The following AFF4 variants were observed in gnomAD, a reference collection of about 807,000 sequenced individuals.
The protein encoded by AFF4 is ALF transcription elongation factor 4, also known as AF4/FMR2 family member 4.
A neutral mutation model predicts 124.8 loss-of-function variants in AFF4; 13 were observed. That is an observed-to-expected ratio of 0.10 (90% CI 0.07 to 0.17). AFF4 has a LOEUF of 0.17. AFF4 is among the 10% of genes least tolerant of loss of function. The probability of loss-of-function intolerance (pLI) is 1.00; values close to 1 mark genes in which losing one functional copy is unlikely to be tolerated. For synonymous variants in AFF4, 477 were observed against 496.1 expected (o/e 0.96, Z 0.51); for missense variants, 1,092 against 1,403.8 (o/e 0.78, Z 3.55).
At chr5:132,920,673 C>T (rs1405716294) in intron 5 of AFF4, among the ~76,000 whole-genome samples, 1 of 151,794 alleles carries the variant, frequency 6.6e-6, no homozygotes, top group Non-Finnish European at 1.5e-5. Context: ...ATTTCATAGA[C>T]ACCAAAATCA....
Position 132,898,356 on chromosome 5 carries a change from T to G in AFF4, c.1263A>C (p.Ala421=), listed in dbSNP as rs1444470005. 10 of 1,614,142 alleles carry G rather than the reference T, an allele frequency of 6.2e-6. No individual in the cohort carries two copies. Among genetic ancestry groups the G allele is most frequent in the Non-Finnish European group, 8.5e-6 (10 of 1,180,046 alleles). The change falls in exon 10 of 21, where the codon GCA becomes GCC. Residue 421 remains alanine (A), a synonymous_variant. Coordinates refer to ENST00000265343, the MANE Select transcript of AFF4 (RefSeq NM_014423.4). Reference sequence around the variant, plus strand: ...TACTAGAATCATCCCTGGAGTTATCTGCTCCTTCACTATTATGGTGTGAAG... The same window carrying G: ...TACTAGAATCATCCCTGGAGTTATCGGCTCCTTCACTATTATGGTGTGAAG... ...SEPSHHNSEG[A]DNSRDDSSSH...
chr5:132,901,406 T>C (rs2150076296), intron 7 of AFF4, among the ~76,000 whole-genome samples: 1 of 152,358 alleles, frequency 6.6e-6, no homozygotes, highest in African/African-American at 2.4e-5. Flanking sequence ...TTTTCATTCT[T>C]AGTTCTTATA....
chr5:132,930,202 G>A (rs569220467), intron 4 of AFF4, among the ~76,000 whole-genome samples: 101 of 152,228 alleles, frequency 6.6e-4, no homozygotes, highest in Middle Eastern at 3.4e-3. Context: ...GCCAGTGTAG[G>A]ACAGAAAGAC....
rs1759901957 is a variant in AFF4, at chr5:132,878,853, T to G, written c.*2206A>C. ...ACTAGAACACAAGAACTCAGAGGTA[T>G]CCCACTGGCTGTTGTTGCTGAAAGT... is the stretch of plus-strand genomic sequence containing the variant. On this transcript the variant is annotated 3_prime_UTR_variant, in exon 21 of 21. Coordinates refer to ENST00000265343, the MANE Select transcript of AFF4 (RefSeq NM_014423.4). 1 of 223,898 alleles carries G rather than the reference T, an allele frequency of 4.5e-6. No individual in the cohort carries two copies. Among genetic ancestry groups the G allele is most frequent in the Non-Finnish European group, 8.9e-6 (1 of 112,220 alleles). The allele number at this position is 223,898 out of a possible 1,614,324, so 13.9% of individuals were successfully genotyped here.
rs1300842460 is a variant in AFF4, at chr5:132,905,708, A to C, written c.1051-1304T>G. The stretch of plus-strand genomic sequence containing the variant: ...AGGATCAAAGACCTATAAATGTAAA[A>C]GCTAGAGCTATAAAATCTTTAGAAA... On this transcript the variant is annotated intron_variant, in intron 5 of 20. Transcript: ENST00000265343. 2.0e-5 allele frequency among the ~76,000 whole-genome samples: 3 copies of C among 152,356 alleles called. No individual in the cohort carries two copies. In the East Asian group the frequency reaches 5.8e-4, roughly 29 times the overall value.
chr5:132,894,919 TC>T (rs1038570130), intron 11 of AFF4, among the ~76,000 whole-genome samples: 7 of 151,984 alleles, frequency 4.6e-5, no homozygotes, highest in African/African-American at 1.7e-4. Context: ...GCCATGGCAC[TC>T]CAGCCTAGGT....
At chr5:132,960,326 A>C (rs1340061886) in intron 1 of AFF4, among the ~76,000 whole-genome samples, 1 of 152,174 alleles carries the variant, frequency 6.6e-6, no homozygotes, top group African/African-American at 2.4e-5. Context: ...TAAAGTAAAA[A>C]AAAATCTAAG....
At chr5:132,955,762 A>G in intron 1 of AFF4, among the ~76,000 whole-genome samples, 1 of 133,418 alleles carries the variant, frequency 7.5e-6, no homozygotes. Context: ...TGGGTGATAG[A>G]GTGAGATTCC....
intron 5 of AFF4, among the ~76,000 whole-genome samples, chr5:132,914,667 C>A (rs145663777): frequency 2.5e-4 from 38 of 149,786 alleles, no homozygotes; most frequent in Non-Finnish European, 4.9e-4. Flanking sequence ...GGGTGGAAAT[C>A]AGTGCAATAA....
Position 132,875,428 on chromosome 5 carries a change from A to C in AFF4, c.*5631T>G, listed in dbSNP as rs1363083253. ...AGAAAATCTATTTGATATTTATTAA[A>C]CTTAGTTTCTCCAACTATGGTTTGG... On this transcript the variant is annotated 3_prime_UTR_variant, in exon 21 of 21. Transcript: ENST00000265343. 5.5e-6 allele frequency: 1 copy of C among 180,334 alleles called. No homozygotes were observed. Among genetic ancestry groups the C allele is most frequent in the Non-Finnish European group, 1.2e-5 (1 of 83,994 alleles). 11.2% of individuals were successfully genotyped at this position (180,334 alleles called of 1,614,324 possible).
chr5:132,923,605 G>A (rs1761104429), intron 5 of AFF4, among the ~76,000 whole-genome samples: 1 of 152,062 alleles, frequency 6.6e-6, no homozygotes, highest in Non-Finnish European at 1.5e-5. Context: ...CACCTGTAGT[G>A]CGTGGTAGTC....
rs370320481 is a variant in AFF4 at position 132,910,385 on chromosome 5, AAC to A, written c.1051-5983_1051-5982del. Among the ~76,000 whole-genome samples, 152 of 152,270 alleles carry A rather than the reference AAC, an allele frequency of 1.0e-3. 1 individual carries two copies. The East Asian group carries it at 0.02, about 20-fold the overall frequency. On this transcript the variant is annotated intron_variant, in intron 5 of 20. Coordinates refer to ENST00000265343, the MANE Select transcript of AFF4 (RefSeq NM_014423.4). ...AGTGCTTTCTGATGTGTTCCTTATC[AAC>A]CCACATCTTGCTAGCACTCCTATAC... is the stretch of plus-strand genomic sequence containing the variant.
At chr5:132,904,165 G>A (rs577766768) in intron 6 of AFF4, 7 of 546,670 alleles carry the variant, frequency 1.3e-5, no homozygotes, top group East Asian at 6.7e-5. Flanking sequence ...GCTGAGGCAG[G>A]AGGATCACTT....
intron 5 of AFF4, among the ~76,000 whole-genome samples, chr5:132,916,759 G>C (rs902678650): frequency 6.6e-6 from 1 of 151,896 alleles, no homozygotes; most frequent in African/African-American, 2.4e-5. Context: ...ATTTAAGAAG[G>C]GAACAATACA....
At chr5:132,897,317 G>GTT (rs1760433294) in intron 10 of AFF4, 77 bp from the exon 11 acceptor site, 1 of 1,490,020 alleles carries the variant, frequency 6.7e-7, no homozygotes, top group African/African-American at 1.4e-5. Flanking sequence ...CAACCTCAAA[G>GTT]AAGAGGAAAA....
Position 132,902,445 on chromosome 5 carries a change from T to G in AFF4, c.1130A>C (p.Lys377Thr). The G allele has an allele frequency of 1.2e-6, 2 of 1,606,302 alleles. No individual in the cohort carries two copies. The highest frequency in any genetic ancestry group is 8.5e-7 in the Non-Finnish European group (1 of 1,173,088). The stretch of plus-strand genomic sequence containing the variant: ...ACTCATTAAGCAATAAACTTACGAT[T>G]TAGACTGGTGCCCATTTGAAGTTTT... ...PSKTSNGHQS[K>T]SMLKDDLKLS... The change falls in exon 7 of 21, where the codon AAA (lysine) becomes ACA (threonine). Residue 377 changes from lysine to threonine, a missense_variant. Transcript: ENST00000265343.
chr5:132,896,897 G>A lies in AFF4; in HGVS notation c.1733C>T (p.Pro578Leu), dbSNP rs1370535263. 1 of 1,614,012 alleles carries A rather than the reference G, an allele frequency of 6.2e-7. No individual in the cohort carries two copies. The highest frequency in any genetic ancestry group is 1.7e-5 in the Admixed American group (1 of 59,996). ...KKAEKAAAEE[P>L]RGGLKIESET... is the part of the protein sequence containing the mutation. Reference sequence around the variant, plus strand: ...ACTTTCTATCTTCAGGCCTCCACGAGGCTCTTCAGCAGCTGCCTTCTCAGC... The same window carrying A: ...ACTTTCTATCTTCAGGCCTCCACGAAGCTCTTCAGCAGCTGCCTTCTCAGC... The change falls in exon 11 of 21, where the codon CCT (proline) becomes CTT (leucine). Residue 578 changes from proline to leucine, a missense_variant. Around this residue, in one of 11 missense-constraint regions of AFF4, gnomAD observed 174 missense variants for 205.9 expected, o/e 0.84. Transcript: ENST00000265343.
chr5:132,875,419 A>G lies in AFF4; in HGVS notation c.*5640T>C, dbSNP rs1233275220. 5.6e-6 allele frequency: 1 copy of G among 179,352 alleles called. No homozygotes were observed. The highest frequency in any genetic ancestry group is 2.4e-5 in the African/African-American group (1 of 42,336). 11.1% of individuals were successfully genotyped at this position (179,352 alleles called of 1,614,324 possible). A position where few individuals can be genotyped will look rare whatever the true frequency, so the allele number is the denominator to read the frequency against. ...CTTTAATACAGAAAATCTATTTGAT[A>G]TTTATTAAACTTAGTTTCTCCAACT... On this transcript the variant is annotated 3_prime_UTR_variant, in exon 21 of 21. Transcript: ENST00000265343.
At chr5:132,912,325 G>C (rs778461978) in intron 5 of AFF4, among the ~76,000 whole-genome samples, 1 of 152,162 alleles carries the variant, frequency 6.6e-6, no homozygotes, top group African/African-American at 2.4e-5. Flanking sequence ...CTGGGTGACA[G>C]AGCAATACTC....
Sources: gnomAD v4.1 joint callset for allele counts (sites outside exome capture counted in the v4.1 genomes callset) on GRCh38, gnomAD v4.1.1 for gene constraint, gnomAD v4.1.1 regional missense constraint, MANE v1.5 for transcripts, NCBI Gene and HGNC (gene_info 2026-07-23, HGNC 2026-07-21) for gene names.